The following ATXN2 variants were observed in gnomAD, a reference collection of about 807,000 sequenced individuals.
The protein encoded by ATXN2 is ataxin-2.
A neutral mutation model predicts 138.6 loss-of-function variants in ATXN2; 37 were observed. The observed-to-expected ratio is 0.27, with a 90% confidence interval of 0.21 to 0.35. ATXN2 has a LOEUF of 0.35. Ranked by LOEUF, ATXN2 falls within the 10% of genes least tolerant of loss-of-function variation. ATXN2 has a pLI of 1.00. For missense variants in ATXN2, 1,216 were observed against 1,480.3 expected, an observed-to-expected ratio of 0.82 and a Z score of 2.93; for synonymous variants, 549 against 543.7, an observed-to-expected ratio of 1.01 and a Z score of -0.13.
chr12:111,532,731 C>G (rs1031938531), intron 5 of ATXN2, among the ~76,000 whole-genome samples: 1 of 151,918 alleles, frequency 6.6e-6, no homozygotes, highest in Non-Finnish European at 1.5e-5. Context: ...ATCCACAGAT[C>G]CAGGTGAAGA....
intron 6 of ATXN2, 71 bp from the exon 7 acceptor site, chr12:111,521,044 A>G (rs1302884046): frequency 1.0e-6 from 1 of 969,560 alleles, no homozygotes; most frequent in African/African-American, 1.7e-5. Context: ...TATAACCAAC[A>G]TCTATATTAA....
chr12:111,582,817 C>T (rs947474758), intron 1 of ATXN2, among the ~76,000 whole-genome samples: 4 of 151,560 alleles, frequency 2.6e-5, no homozygotes, highest in Admixed American at 2.0e-4. Context: ...TACAGGCGCC[C>T]GCCACCACGC....
chr12:111,559,125 G>T (rs1428583664), intron 1 of ATXN2, among the ~76,000 whole-genome samples: 1 of 150,852 alleles, frequency 6.6e-6, no homozygotes, highest in Non-Finnish European at 1.5e-5. Flanking sequence ...CATAAAAAAT[G>T]ACAGTTTTTT....
At chr12:111,536,334 T>C (rs1251726356) in intron 5 of ATXN2, among the ~76,000 whole-genome samples, 2 of 152,128 alleles carry the variant, frequency 1.3e-5, no homozygotes, top group Non-Finnish European at 2.9e-5. Context: ...CTTTTTACCA[T>C]GTGTGCATAT....
Position 111,464,663 on chromosome 12 carries a change from G to A in ATXN2, c.2895C>T (p.Ala965=), listed in dbSNP as rs756104883. 1 of 1,609,240 alleles carries A rather than the reference G, an allele frequency of 6.2e-7. No homozygotes were observed. The highest frequency in any genetic ancestry group is 1.1e-5 in the South Asian group (1 of 90,720). ...NKETSPSFYF[A]ISTGSLAQQY... The stretch of plus-strand genomic sequence containing the variant: ...ATTAGTATAAAAAACCCAACTCACT[G>A]GCAAAGTAGAAAGAAGGGCTTGTCT... Residue 965 remains alanine, a splice_region_variant and synonymous_variant, in exon 21 of 25, where the codon GCC becomes GCT. Transcript: ENST00000673436.
At chr12:111,478,887 TA>T (rs1175537878) in intron 18 of ATXN2, among the ~76,000 whole-genome samples, 1 of 151,848 alleles carries the variant, frequency 6.6e-6, no homozygotes, top group African/African-American at 2.4e-5. Context: ...TGCGCGCCTG[TA>T]ATCCCAGCTA....
intron 2 of ATXN2, among the ~76,000 whole-genome samples, chr12:111,555,678 A>C (rs1490150596): frequency 6.6e-6 from 1 of 152,082 alleles, no homozygotes; most frequent in Non-Finnish European, 1.5e-5. Context: ...TAGCAGTGTA[A>C]GAATGGACTA....
intron 10 of ATXN2, among the ~76,000 whole-genome samples, chr12:111,514,376 G>A (rs1879740376): frequency 6.6e-6 from 1 of 152,136 alleles, no homozygotes; most frequent in Non-Finnish European, 1.5e-5. Context: ...GTAAAAGAGT[G>A]GACAGAATGG....
rs1242872107 is a variant in ATXN2, at chr12:111,507,574, C to T, written c.1935+1975G>A. 9.7e-5 allele frequency among the ~76,000 whole-genome samples: 13 copies of T among 133,576 alleles called. No individual in the cohort carries two copies. In the East Asian group the frequency reaches 2.5e-3, roughly 25 times the overall value. 87.6% of individuals were successfully genotyped at this position (133,576 alleles called of 152,430 possible). Reference sequence around the variant, plus strand: ...CCCCCGCCCAGCCAGCCGCCCCGTCCGGGAGGTGGGGGGCACCTCTGCCCG... The same window carrying T: ...CCCCCGCCCAGCCAGCCGCCCCGTCTGGGAGGTGGGGGGCACCTCTGCCCG... On this transcript the variant is annotated intron_variant, in intron 14 of 24. Coordinates refer to ENST00000673436, the MANE Select transcript of ATXN2 (RefSeq NM_001372574.1).
intron 1 of ATXN2, among the ~76,000 whole-genome samples, chr12:111,591,119 G>C (rs1884638628): frequency 6.6e-6 from 1 of 151,966 alleles, no homozygotes; most frequent in African/African-American, 2.4e-5. Flanking sequence ...TCGATCTCCT[G>C]ACCTCGTGAT....
chr12:111,597,268 A>G (rs558562520), intron 1 of ATXN2, among the ~76,000 whole-genome samples: 1 of 152,372 alleles, frequency 6.6e-6, no homozygotes, highest in African/African-American at 2.4e-5. Flanking sequence ...TCTGCTGTAA[A>G]TAAAAATTCT....
chr12:111,590,389 A>AC (rs1306983878), intron 1 of ATXN2, among the ~76,000 whole-genome samples: 1 of 152,116 alleles, frequency 6.6e-6, no homozygotes, highest in Non-Finnish European at 1.5e-5. Context: ...TGTATTCCAT[A>AC]AAACAAGCCT....
rs149109195 is a variant in ATXN2 at position 111,531,128 on chromosome 12, C to G, written c.572-5812G>C. Among the ~76,000 whole-genome samples, 446 of 151,678 alleles carry G rather than the reference C, an allele frequency of 2.9e-3. 1 individual carries two copies. The highest frequency in any genetic ancestry group is 0.01 in the African/African-American group (426 of 41,346). On this transcript the variant is annotated intron_variant, in intron 5 of 24. Transcript: ENST00000673436. ...AGCGAAACTCTGTTTAAAATTAAAT[C>G]AACAGGCTGGGCACAGTGGCTCACA...
Position 111,599,083 on chromosome 12 carries a change from A to C in ATXN2, c.-49T>G. ...CGCACGCCGGGCGGGGACAGCCGGG[A>C]GCCGGGCGCGCCAAGGAGACGCCGG... On this transcript the variant is annotated 5_prime_UTR_variant, in exon 1 of 25. Transcript: ENST00000673436. 1.5e-6 allele frequency: 2 copies of C among 1,378,362 alleles called. No individual in the cohort carries two copies. The highest frequency in any genetic ancestry group is 1.9e-6 in the Non-Finnish European group (2 of 1,065,276). The allele number at this position is 1,378,362 out of a possible 1,614,324, so 85.4% of individuals were successfully genotyped here. A position where few individuals can be genotyped will look rare whatever the true frequency, so the allele number is the denominator to read the frequency against.
At chr12:111,546,320 G>A (rs1466486681) in intron 5 of ATXN2, among the ~76,000 whole-genome samples, 1 of 152,174 alleles carries the variant, frequency 6.6e-6, no homozygotes, top group Non-Finnish European at 1.5e-5. Flanking sequence ...CCAAGAGCTG[G>A]CAAACTTTTC....
chr12:111,526,303 T>C (rs1021242836), intron 5 of ATXN2, among the ~76,000 whole-genome samples: 4 of 150,266 alleles, frequency 2.7e-5, no homozygotes, highest in African/African-American at 9.8e-5. Flanking sequence ...TTGCAATGAA[T>C]GGAGATCACG....
At chr12:111,502,176 G>A (rs1878818157) in intron 14 of ATXN2, among the ~76,000 whole-genome samples, 1 of 152,006 alleles carries the variant, frequency 6.6e-6, no homozygotes, top group African/African-American at 2.4e-5. Flanking sequence ...TCAGGCATGA[G>A]CCACTGTACC....
rs534552539 is a variant in ATXN2, at chr12:111,522,294, C to G, written c.697-1321G>C. ...CAGTAAAAAGTAAATGTCTTCCAAT[C>G]CCAGCGTGCATAAATAACTACTATT... On this transcript the variant is annotated intron_variant, in intron 6 of 24. Transcript: ENST00000673436. 1.1e-4 allele frequency among the ~76,000 whole-genome samples: 16 copies of G among 151,920 alleles called. No individual in the cohort carries two copies. In the South Asian group the frequency reaches 2.1e-3, roughly 20 times the overall value.
chr12:111,474,384 T>C (rs2339816), intron 18 of ATXN2, among the ~76,000 whole-genome samples: 30,518 of 150,744 alleles, frequency 0.2, 3,172 homozygotes, highest in East Asian at 0.34. Context: ...AGAAAGATGG[T>C]GAGACTCTGT....
Sources: gnomAD v4.1 joint callset for allele counts (sites outside exome capture counted in the v4.1 genomes callset) on GRCh38, gnomAD v4.1.1 for gene constraint, MANE v1.5 for transcripts, NCBI Gene and HGNC (gene_info 2026-07-23, HGNC 2026-07-21) for gene names.